The following DMD variants were observed in gnomAD, a reference collection of about 807,000 sequenced individuals.
The protein encoded by DMD is dystrophin, also known as mutant dystrophin.
Under a neutral mutation model 330.1 loss-of-function variants are expected in DMD, and 63 were observed. The observed-to-expected ratio is 0.19, with a 90% CI of 0.16 to 0.24. The LOEUF (loss-of-function observed/expected upper bound fraction) is 0.24. Ranked by LOEUF, DMD falls within the 10% of genes least tolerant of loss-of-function variation. The probability of loss-of-function intolerance (pLI) is 1.00; values close to 1 mark genes in which losing one functional copy is unlikely to be tolerated. For synonymous variants in DMD, 1,223 were observed against 959.8 expected (o/e 1.27, Z -5.07); for missense variants, 3,344 against 2,684.1 (o/e 1.25, Z -5.43).
chrX:32,809,433 C>T (rs1343308262), intron 7 of DMD, 60 bp downstream of exon 7: 2 of 953,201 alleles, frequency 2.1e-6, no homozygotes, highest in Non-Finnish European at 3.0e-6. Flanking sequence ...TGACAAGTCT[C>T]AGATGAAAAC....
intron 44 of DMD, among the ~76,000 whole-genome samples, chrX:32,209,239 A>C (rs1347382849): frequency 1.8e-5 from 2 of 111,293 alleles, no homozygotes; most frequent in Non-Finnish European, 3.8e-5. Context: ...GTGTGTGTGC[A>C]TGTGTGCGTA....
At chrX:33,284,092 A>G in intron 1 of DMD, among the ~76,000 whole-genome samples, 1 of 111,067 alleles carries the variant, frequency 9.0e-6, no homozygotes, top group Admixed American at 9.6e-5. Flanking sequence ...ATTACAGATG[A>G]GTACATGACT....
intron 7 of DMD, among the ~76,000 whole-genome samples, chrX:32,766,349 A>G (rs1388752183): frequency 1.8e-5 from 2 of 111,404 alleles, no homozygotes; most frequent in Non-Finnish European, 3.8e-5. Flanking sequence ...CTTTTCATTT[A>G]TTTATAAAAA....
chrX:31,948,881 T>A (rs953944034), intron 45 of DMD, among the ~76,000 whole-genome samples: 15 of 110,900 alleles, frequency 1.4e-4, no homozygotes, highest in Non-Finnish European at 1.3e-4. Flanking sequence ...TGCTGGACTA[T>A]CGAGTCTCTT....
intron 62 of DMD, among the ~76,000 whole-genome samples, chrX:31,276,984 G>A (rs751480652): frequency 9.0e-6 from 1 of 111,638 alleles, no homozygotes; most frequent in African/African-American, 3.3e-5. Flanking sequence ...TTGGATGCTG[G>A]TTAAATGAGT....
At chrX:32,645,493 C>G (rs932246990) in intron 9 of DMD, among the ~76,000 whole-genome samples, 3 of 111,904 alleles carry the variant, frequency 2.7e-5, no homozygotes, top group Admixed American at 9.5e-5. Flanking sequence ...TTTATAATAA[C>G]TTACATATAC....
chrX:32,970,983 C>T, intron 2 of DMD, among the ~76,000 whole-genome samples: 1 of 109,365 alleles, frequency 9.1e-6, no homozygotes, highest in East Asian at 2.9e-4. Flanking sequence ...CTTTTTGAGA[C>T]AGAGGTTCAC....
At chrX:31,497,604 C>T (rs752716254) in intron 56 of DMD, among the ~76,000 whole-genome samples, 1 of 112,003 alleles carries the variant, frequency 8.9e-6, no homozygotes, top group South Asian at 3.7e-4. Flanking sequence ...AAGCTTCCCC[C>T]GAACATGAAT....
chrX:33,043,131 G>A (rs1265714149), intron 1 of DMD, among the ~76,000 whole-genome samples: 2 of 111,721 alleles, frequency 1.8e-5, no homozygotes, highest in Admixed American at 1.9e-4. Context: ...ACAATCTATA[G>A]CTCCTATTAG....
In DMD at chrX:31,456,836, A is replaced by ATATG. The variant is rs1439070482; in HGVS notation, c.8938-12210_8938-12209insCATA. ...TCCACTAGATACTGTGCCCACATAT[A>ATATG]TGTGTGTGTGTGTGTGTGTGTGTGT... On this transcript the variant is annotated intron_variant, in intron 59 of 78. Transcript: ENST00000357033. Among the ~76,000 whole-genome samples the ATATG allele has an allele frequency of 1.3e-4, 11 of 83,256 alleles. No individual in the cohort carries two copies. In the Admixed American group the frequency reaches 1.5e-3, roughly 11 times the overall value. 72.3% of individuals were successfully genotyped at this position (83,256 alleles called of 115,157 possible). A position where few individuals can be genotyped will look rare whatever the true frequency, so the allele number is the denominator to read the frequency against.
At chrX:32,606,381 C>A (rs808522) in intron 12 of DMD, among the ~76,000 whole-genome samples, 1 of 107,907 alleles carries the variant, frequency 9.3e-6, no homozygotes, top group African/African-American at 3.3e-5. Context: ...TAAGGGGATA[C>A]CTGTCATTAA....
chrX:31,122,035 A>G (rs2032691789), intron 78 of DMD, 105 bp from the exon 79 acceptor site: 1 of 623,741 alleles, frequency 1.6e-6, no homozygotes, highest in African/African-American at 2.2e-5. Context: ...TTCTGGGTGA[A>G]GACAACACAG....
intron 11 of DMD, among the ~76,000 whole-genome samples, chrX:32,640,298 G>A (rs1195881492): frequency 9.3e-6 from 1 of 107,196 alleles, no homozygotes; most frequent in Non-Finnish European, 1.9e-5. Flanking sequence ...TCAGAGGTAT[G>A]TCAGCCTCAT....
chrX:31,417,293 T>C lies in DMD; in HGVS notation c.9084+27188A>G, dbSNP rs191520307. On this transcript the variant is annotated intron_variant, in intron 60 of 78. Coordinates refer to ENST00000357033, the MANE Select transcript of DMD (RefSeq NM_004006.3). The stretch of plus-strand genomic sequence containing the variant: ...TTTCTTTTTTCTTTTCTTTTTTTCT[T>C]TTTTTTCTTTTTTTTTTGAGACGGA... Among the ~76,000 whole-genome samples, 831 of 111,141 alleles carry C rather than the reference T, an allele frequency of 7.5e-3. 6 individuals carry two copies. Among genetic ancestry groups the C allele is most frequent in the African/African-American group, 0.025 (779 of 30,572 alleles).
At position 33,203,067 on chromosome X, in the gene DMD, T is replaced by G. The variant is rs192735632; in HGVS notation, c.31+8215A>C. Reference sequence around the variant, plus strand: ...ATTGTGATTCTGGCTTTATTTAAACTGAAATGTCAATGTTTTCTAGGTATT... The same window carrying G: ...ATTGTGATTCTGGCTTTATTTAAACGGAAATGTCAATGTTTTCTAGGTATT... On this transcript the variant is annotated intron_variant, in intron 1 of 78. Transcript: ENST00000357033. Among the ~76,000 whole-genome samples the G allele has an allele frequency of 2.7e-5, 3 of 111,962 alleles. No individual in the cohort carries two copies. The Admixed American group carries it at 2.8e-4, about 11-fold the overall frequency.
intron 13 of DMD, among the ~76,000 whole-genome samples, chrX:32,583,933 AAACAT>A (rs986831060): frequency 4.5e-5 from 5 of 111,693 alleles, no homozygotes; most frequent in African/African-American, 1.6e-4. Flanking sequence ...AAAGTACACT[AAACAT>A]AACAGAAAAT....
chrX:32,651,270 G>A (rs1419252252), intron 9 of DMD, among the ~76,000 whole-genome samples: 1 of 108,995 alleles, frequency 9.2e-6, no homozygotes, highest in African/African-American at 3.4e-5. Context: ...AGCCTCCCGA[G>A]TAGCTGGGAT....
chrX:31,985,899 A>G (rs1405165077), intron 44 of DMD, among the ~76,000 whole-genome samples: 1 of 112,128 alleles, frequency 8.9e-6, no homozygotes, highest in Admixed American at 9.5e-5. Flanking sequence ...AAGGCTTTGG[A>G]GATGAAGTTA....
intron 44 of DMD, among the ~76,000 whole-genome samples, chrX:32,040,308 A>G (rs1227307848): frequency 9.0e-6 from 1 of 111,627 alleles, no homozygotes; most frequent in Non-Finnish European, 1.9e-5. Flanking sequence ...TAAACTCAAA[A>G]GAGAACCAAC....
Sources: allele counts gnomAD v4.1 joint callset (sites outside exome capture counted in the v4.1 genomes callset), GRCh38; gene constraint gnomAD v4.1.1; transcripts MANE v1.5; gene names NCBI Gene and HGNC (gene_info 2026-07-23, HGNC 2026-07-21).